The following DMD variants were observed in gnomAD, a reference collection of about 807,000 sequenced individuals.
The protein encoded by DMD is dystrophin.
In DMD, 63 loss-of-function variants were observed where a neutral mutation model predicts 330.1. The observed-to-expected ratio is 0.19, with a 90% CI of 0.16 to 0.24. DMD has a LOEUF of 0.24. Ranked by LOEUF, DMD falls within the 10% of genes least tolerant of loss-of-function variation. The probability of loss-of-function intolerance (pLI) is 1.00; values close to 1 mark genes in which losing one functional copy is unlikely to be tolerated. For missense variants in DMD, 3,344 were observed against 2,684.1 expected (o/e 1.25, Z -5.43); for synonymous variants, 1,223 against 959.8 (o/e 1.27, Z -5.07).
intron 2 of DMD, among the ~76,000 whole-genome samples, chrX:32,950,504 A>G (rs1404927054): frequency 9.0e-6 from 1 of 110,833 alleles, no homozygotes; most frequent in African/African-American, 3.3e-5. Flanking sequence ...CACCACGGCC[A>G]TATATTGTGT....
chrX:31,800,351 C>A (rs1166578240), intron 50 of DMD, among the ~76,000 whole-genome samples: 1 of 112,693 alleles, frequency 8.9e-6, no homozygotes, highest in Non-Finnish European at 1.9e-5. Context: ...CCAGGCCCAA[C>A]ACCACATGTA....
At chrX:31,346,148 T>C (rs1351670872) in intron 61 of DMD, among the ~76,000 whole-genome samples, 1 of 111,314 alleles carries the variant, frequency 9.0e-6, no homozygotes, top group Non-Finnish European at 1.9e-5. Flanking sequence ...ATAAAATATA[T>C]AAATTAAGTA....
chrX:33,309,037 AG>A (rs1367057219), intron 1 of DMD, among the ~76,000 whole-genome samples: 2 of 111,676 alleles, frequency 1.8e-5, no homozygotes, highest in African/African-American at 6.5e-5. Context: ...CATGTTATAA[AG>A]GATAATTGAA....
chrX:32,055,740 C>A (rs2096166696), intron 44 of DMD, among the ~76,000 whole-genome samples: 1 of 111,575 alleles, frequency 9.0e-6, no homozygotes, highest in South Asian at 3.7e-4. Context: ...AATTTTGGAA[C>A]ATAAAACTTC....
intron 1 of DMD, among the ~76,000 whole-genome samples, chrX:33,131,416 ATGT>A (rs1325035489): frequency 8.9e-6 from 1 of 112,019 alleles, no homozygotes; most frequent in African/African-American, 3.2e-5. Context: ...ACCCATTGAC[ATGT>A]TGTTATCAAA....
intron 44 of DMD, among the ~76,000 whole-genome samples, chrX:32,107,864 G>C: frequency 9.0e-6 from 1 of 111,259 alleles, no homozygotes; most frequent in East Asian, 2.8e-4. Flanking sequence ...GATCAAAGTA[G>C]TGGTAACAGT....
At chrX:32,376,337 G>A (rs948604053) in intron 34 of DMD, among the ~76,000 whole-genome samples, 15 of 111,473 alleles carry the variant, frequency 1.3e-4, no homozygotes, top group African/African-American at 4.2e-4. Flanking sequence ...CTACAAGTTG[G>A]AATAATTCAT....
chrX:33,009,339 C>T lies in DMD; in HGVS notation c.93+10800G>A, dbSNP rs867559782. Among the ~76,000 whole-genome samples, 11 of 22,658 alleles carry T rather than the reference C, an allele frequency of 4.9e-4. 1 individual carries two copies. Among genetic ancestry groups the T allele is most frequent in the African/African-American group, 1.9e-3 (10 of 5,215 alleles). 19.7% of individuals were successfully genotyped at this position (22,658 alleles called of 115,157 possible). On this transcript the variant is annotated intron_variant, in intron 2 of 78. Coordinates refer to ENST00000357033, the MANE Select transcript of DMD (RefSeq NM_004006.3). Reference sequence around the variant, plus strand: ...GTATATGTGTATATGTGTATATACACGTGTATATACACATGTGTGTATATG... The same window carrying T: ...GTATATGTGTATATGTGTATATACATGTGTATATACACATGTGTGTATATG...
chrX:32,729,700 T>A (rs888931812), intron 7 of DMD, among the ~76,000 whole-genome samples: 1 of 112,047 alleles, frequency 8.9e-6, no homozygotes, highest in Non-Finnish European at 1.9e-5. Context: ...TGTATACTTA[T>A]GTCTCTTAAG....
Position 31,508,261 on chromosome X carries a change from A to G in DMD, c.8218-808T>C, listed in dbSNP as rs377147422. 2.3e-5 allele frequency: 28 copies of G among 1,203,740 alleles called. No individual in the cohort carries two copies. The African/African-American group carries it at 4.9e-4, about 21-fold the overall frequency. ...ATTTTCAGCTTGAACCGGGCACTACAGCACTGATCCTGTTGCATAGCAATC... is the reference window on the plus strand; with the variant it reads ...ATTTTCAGCTTGAACCGGGCACTACGGCACTGATCCTGTTGCATAGCAATC... On this transcript the variant is annotated intron_variant, in intron 55 of 78. Coordinates refer to ENST00000357033, the MANE Select transcript of DMD (RefSeq NM_004006.3).
chrX:32,999,911 C>T (rs1204173451), intron 2 of DMD, among the ~76,000 whole-genome samples: 4 of 112,700 alleles, frequency 3.5e-5, no homozygotes, highest in Admixed American at 9.3e-5. Context: ...TGAAGCGTCA[C>T]GTACACGTGT....
intron 41 of DMD, among the ~76,000 whole-genome samples, chrX:32,312,074 C>T (rs1255934191): frequency 3.0e-4 from 33 of 111,616 alleles, no homozygotes; most frequent in Non-Finnish European, 1.1e-4. Flanking sequence ...ATACATTTTA[C>T]ACCTGTAAGT....
At chrX:32,459,368 C>G (rs1242711892) in intron 25 of DMD, among the ~76,000 whole-genome samples, 1 of 110,967 alleles carries the variant, frequency 9.0e-6, no homozygotes, top group East Asian at 2.8e-4. Flanking sequence ...AGATTCTCTT[C>G]CATCTCTAAG....
Position 31,774,112 on chromosome X carries a change from A to T in DMD, c.7390T>A (p.Ser2464Thr). Residue 2464 changes from serine (S) to threonine (T), a missense_variant, in exon 51 of 79, where the codon TCC becomes ACC. Physicochemically the swap from Ser to Thr is moderately conservative, Grantham distance 58. Transcript: ENST00000357033. ...TAISKLEMPS[S>T]LMLEVPALAD... ...AGAGCAGGTACCTCCAACATCAAGGAAGATGGCATTTCTAGTTTGGAGATG... is the reference window on the plus strand; with the variant it reads ...AGAGCAGGTACCTCCAACATCAAGGTAGATGGCATTTCTAGTTTGGAGATG... 1.6e-5 allele frequency: 19 copies of T among 1,211,248 alleles called. No homozygotes were observed. Among genetic ancestry groups the T allele is most frequent in the Non-Finnish European group, 2.1e-5 (19 of 895,200 alleles).
At chrX:32,875,781 T>G (rs1478584692) in intron 2 of DMD, among the ~76,000 whole-genome samples, 5 of 112,111 alleles carry the variant, frequency 4.5e-5, no homozygotes, top group African/African-American at 1.6e-4. Context: ...GCTGCTTCTG[T>G]GACCAGACAC....
chrX:33,324,054 T>C lies in DMD; in HGVS notation c.7+15205A>G, dbSNP rs111570395. ...CATTATTTCCTCAAATATACTTCCC[T>C]GTCAGAAAAAAATGATTATATATAA... On this transcript the variant is annotated intron_variant, in intron 1 of 17. Transcript: ENST00000288447. 8.0e-3 allele frequency among the ~76,000 whole-genome samples: 891 copies of C among 111,176 alleles called. 2 individuals are homozygous for C. The highest frequency in any genetic ancestry group is 0.014 in the Non-Finnish European group (719 of 52,986).
intron 2 of DMD, among the ~76,000 whole-genome samples, chrX:32,993,990 T>C (rs1238316137): frequency 9.2e-6 from 1 of 109,223 alleles, no homozygotes; most frequent in Non-Finnish European, 1.9e-5. Flanking sequence ...TGATGAAGAG[T>C]GGACAACCTG....
chrX:31,536,881 A>T (rs1303129704), intron 55 of DMD, among the ~76,000 whole-genome samples: 1 of 111,374 alleles, frequency 9.0e-6, no homozygotes, highest in Non-Finnish European at 1.9e-5. Context: ...TCTCATTGCC[A>T]TTTAAACATG....
At chrX:31,167,043 C>T (rs772904509) in intron 74 of DMD, among the ~76,000 whole-genome samples, 16 of 111,836 alleles carry the variant, frequency 1.4e-4, no homozygotes, top group Non-Finnish European at 2.6e-4. Context: ...CAGGTTTATT[C>T]CGGGACACTC....
Sources: gnomAD v4.1 joint callset for allele counts (sites outside exome capture counted in the v4.1 genomes callset) on GRCh38, gnomAD v4.1.1 for gene constraint, MANE v1.5 for transcripts, NCBI Gene and HGNC (gene_info 2026-07-23, HGNC 2026-07-21) for gene names.